SEMA4D: variants seen among roughly 807,000 people sequenced by gnomAD.
SEMA4D encodes the protein semaphorin-4D.
In SEMA4D, 22 loss-of-function variants were observed where a neutral mutation model predicts 74.8. That is an observed-to-expected ratio of 0.29 (90% CI 0.21 to 0.42). The LOEUF is 0.42. SEMA4D is among the 10% of genes least tolerant of loss of function. The pLI is 1.00. For synonymous variants in SEMA4D, 445 were observed against 463.7 expected, an observed-to-expected ratio of 0.96 and a Z score of 0.52; for missense variants, 937 against 1,118.4, an observed-to-expected ratio of 0.84 and a Z score of 2.31.
chr9:89,435,484 C>T (rs528459525), intron 2 of SEMA4D, among the ~76,000 whole-genome samples: 1 of 152,296 alleles, frequency 6.6e-6, no homozygotes, highest in Admixed American at 6.5e-5. Flanking sequence ...TGTGGAGTTT[C>T]TGGTTTGTTT....
At chr9:89,482,208 G>A (rs1416588119) in intron 1 of SEMA4D, among the ~76,000 whole-genome samples, 3 of 152,172 alleles carry the variant, frequency 2.0e-5, no homozygotes, top group East Asian at 3.9e-4. Context: ...GTATCCTACT[G>A]CCCTCCTGGG....
At chr9:89,479,113 T>C (rs1213089839) in intron 1 of SEMA4D, among the ~76,000 whole-genome samples, 1 of 152,180 alleles carries the variant, frequency 6.6e-6, no homozygotes, top group East Asian at 1.9e-4. Flanking sequence ...AGCTTGGGTT[T>C]CCTCACAGCA....
intron 2 of SEMA4D, among the ~76,000 whole-genome samples, chr9:89,424,632 C>T (rs1444670839): frequency 6.6e-6 from 1 of 152,050 alleles, no homozygotes; most frequent in Admixed American, 6.5e-5. Flanking sequence ...AATTGCCTTC[C>T]TCACTGTGTC....
intron 2 of SEMA4D, among the ~76,000 whole-genome samples, chr9:89,422,068 A>G (rs891120920): frequency 6.6e-6 from 1 of 152,266 alleles, no homozygotes; most frequent in African/African-American, 2.4e-5. Context: ...AAGAAAGGCA[A>G]GAGAACACAT....
intron 16 of SEMA4D, chr9:89,364,313 T>G: frequency 2.8e-6 from 1 of 362,820 alleles, no homozygotes; most frequent in Non-Finnish European, 5.4e-6. Context: ...GCCACACACA[T>G]GTCCTGTGAC....
rs1564599467 is a variant in SEMA4D at position 89,392,540 on chromosome 9, C to T, written c.509-4G>A. 5 of 1,599,664 alleles carry T rather than the reference C, an allele frequency of 3.1e-6. No homozygotes were observed. Among genetic ancestry groups the T allele is most frequent in the Non-Finnish European group, 4.3e-6 (5 of 1,166,916 alleles). On this transcript the variant is annotated splice_region_variant and splice_polypyrimidine_tract_variant and intron_variant, in intron 7 of 15. Coordinates refer to ENST00000422704, the MANE Select transcript of SEMA4D (RefSeq NM_001371194.2). ...GTCCCCGAATAAAGTTCTCCATCTGCAGGGGCCCAGAAGAAAAGAGGAAAA... is the reference window on the plus strand; with the variant it reads ...GTCCCCGAATAAAGTTCTCCATCTGTAGGGGCCCAGAAGAAAAGAGGAAAA...
exon 19 of SEMA4D, chr9:89,362,348 G>C: frequency 6.2e-7 from 1 of 1,614,048 alleles, no homozygotes. Flanking sequence ...TGTGGTCAGT[G>C]GCAGCAGGGT....
chr9:89,488,036 A>G (rs113770304), intron 1 of SEMA4D, among the ~76,000 whole-genome samples: 5,199 of 152,288 alleles, frequency 0.034, 118 homozygotes, highest in Middle Eastern at 0.085. Flanking sequence ...TAGAACCGAC[A>G]CTACAATTTT....
At chr9:89,439,187 G>A (rs1412896715) in intron 2 of SEMA4D, among the ~76,000 whole-genome samples, 1 of 151,388 alleles carries the variant, frequency 6.6e-6, no homozygotes, top group Middle Eastern at 3.3e-3. Context: ...CCACCATGTT[G>A]GCCAGGCTGG....
intron 1 of SEMA4D, among the ~76,000 whole-genome samples, chr9:89,486,649 T>A (rs536756433): frequency 6.6e-6 from 1 of 152,316 alleles, no homozygotes; most frequent in African/African-American, 2.4e-5. Context: ...CTCACACCTG[T>A]AAGCTCAGCA....
chr9:89,380,692 G>C (rs1311902237), intron 15 of SEMA4D, among the ~76,000 whole-genome samples: 1 of 152,116 alleles, frequency 6.6e-6, no homozygotes, highest in Non-Finnish European at 1.5e-5. Context: ...GGGAGCCCCA[G>C]GGGAAACACC....
At chr9:89,431,665 C>T (rs554921820) in intron 2 of SEMA4D, among the ~76,000 whole-genome samples, 4 of 152,202 alleles carry the variant, frequency 2.6e-5, no homozygotes, top group East Asian at 1.9e-4. Context: ...GCTCAGCTAT[C>T]TTTTTATTTT....
chr9:89,376,810 G>T (rs1835852837), downstream of SEMA4D: 7 of 1,539,560 alleles, frequency 4.5e-6, no homozygotes, highest in East Asian at 1.5e-4. Flanking sequence ...CAGGGCACAG[G>T]GGACAGAGAG....
chr9:89,480,234 G>A (rs570592538), intron 1 of SEMA4D, among the ~76,000 whole-genome samples: 248 of 151,950 alleles, frequency 1.6e-3, no homozygotes, highest in African/African-American at 5.7e-3. Flanking sequence ...ACAGAGTGTC[G>A]ATTGGTGCAC....
chr9:89,370,334 TGTGTC>T (rs1197643257), intron 16 of SEMA4D, among the ~76,000 whole-genome samples: 4 of 151,160 alleles, frequency 2.6e-5, no homozygotes, highest in African/African-American at 7.3e-5. Flanking sequence ...TTGTGGTACA[TGTGTC>T]GTGTGGTGTA....
At chr9:89,490,030 C>CTTTTT (rs895924919) in intron 1 of SEMA4D, among the ~76,000 whole-genome samples, 1 of 144,992 alleles carries the variant, frequency 6.9e-6, no homozygotes, top group Non-Finnish European at 1.5e-5. Flanking sequence ...CTCCACCCTC[C>CTTTTT]TTTTTTTTTT....
At chr9:89,434,643 A>G (rs75439815) in intron 2 of SEMA4D, among the ~76,000 whole-genome samples, 4,650 of 152,324 alleles carry the variant, frequency 0.031, 128 homozygotes, top group East Asian at 0.1. Context: ...TGGAAAATCC[A>G]GGAGAATTTT....
At chr9:89,419,750 C>A (rs997974320) in intron 2 of SEMA4D, among the ~76,000 whole-genome samples, 16 of 150,752 alleles carry the variant, frequency 1.1e-4, no homozygotes, top group South Asian at 4.2e-4. Context: ...CCGTCTCTAT[C>A]AAAAAAAAAT....
Position 89,385,780 on chromosome 9 carries a change from T to C in SEMA4D, c.1446+587A>G, listed in dbSNP as rs1043767875. ...GCTCCCAGCTGAGGGAGGAGAGGAC[T>C]GACTGGGCCTGGATCCCACAAGGTG... On this transcript the variant is annotated intron_variant, in intron 13 of 15. Coordinates refer to ENST00000422704, the MANE Select transcript of SEMA4D (RefSeq NM_001371194.2). 5.8e-6 allele frequency: 3 copies of C among 520,050 alleles called. No homozygotes were observed. The Admixed American group carries it at 1.9e-4, about 33-fold the overall frequency. 32.2% of individuals were successfully genotyped at this position (520,050 alleles called of 1,614,324 possible).
Sources: allele counts gnomAD v4.1 joint callset (sites outside exome capture counted in the v4.1 genomes callset), GRCh38; gene constraint gnomAD v4.1.1; transcripts MANE v1.5; gene names NCBI Gene and HGNC (gene_info 2026-07-23, HGNC 2026-07-21).